GRIP1: variants seen among roughly 807,000 people sequenced by gnomAD.
GRIP1 encodes the protein glutamate receptor-interacting protein 1.
GRIP1 carries 45 observed loss-of-function variants against 129.9 expected under a neutral mutation model. The observed-to-expected ratio is 0.35, with a 90% CI of 0.27 to 0.44. The LOEUF (loss-of-function observed/expected upper bound fraction) is 0.44. GRIP1 is among the 20% of genes least tolerant of loss of function. GRIP1 has a pLI of 1.00. For missense variants in GRIP1, 1,196 were observed against 1,396.8 expected (o/e 0.86, Z 2.29); for synonymous variants, 530 against 520.8 (o/e 1.02, Z -0.24).
intron 1 of GRIP1, among the ~76,000 whole-genome samples, chr12:66,728,509 C>T (rs950018617): frequency 1.3e-5 from 2 of 152,092 alleles, no homozygotes; most frequent in Non-Finnish European, 2.9e-5. Context: ...AAGAACACGC[C>T]CTTTCTCTGG....
chr12:66,684,776 C>T (rs1267217535), intron 1 of GRIP1, among the ~76,000 whole-genome samples: 1 of 152,078 alleles, frequency 6.6e-6, no homozygotes, highest in Non-Finnish European at 1.5e-5. Context: ...ACCCAAGAGG[C>T]GGAGGTTGCA....
chr12:66,833,046 G>C (rs1183100138), intron 1 of GRIP1, among the ~76,000 whole-genome samples: 1 of 152,170 alleles, frequency 6.6e-6, no homozygotes. Context: ...ACTTAGGGCA[G>C]AATCTAATCC....
rs58314154 is a variant in GRIP1 at position 66,489,118 on chromosome 12, C to T, written c.725-23696G>A. Among the ~76,000 whole-genome samples the T allele has an allele frequency of 7.5e-3, 1,136 of 152,220 alleles. 18 individuals are homozygous for T. The highest frequency in any genetic ancestry group is 0.026 in the African/African-American group (1,094 of 41,540). On this transcript the variant is annotated intron_variant, in intron 7 of 24. Transcript: ENST00000359742. ...AGGAGGGGCTCCTTCCTAACTCATT[C>T]TATGAGACCAGCATCATTCTGGTGC... is the stretch of plus-strand genomic sequence containing the variant.
At chr12:66,524,788 C>A (rs980127798) in intron 5 of GRIP1, among the ~76,000 whole-genome samples, 2 of 151,958 alleles carry the variant, frequency 1.3e-5, no homozygotes, top group Admixed American at 6.5e-5. Flanking sequence ...ACTAGCAAGA[C>A]TAATAAAGAA....
At chr12:66,565,190 T>C (rs1398997273) in intron 2 of GRIP1, among the ~76,000 whole-genome samples, 2 of 152,228 alleles carry the variant, frequency 1.3e-5, no homozygotes, top group Non-Finnish European at 2.9e-5. Context: ...AGACATGAAG[T>C]CCTTGCCCAT....
intron 1 of GRIP1, among the ~76,000 whole-genome samples, chr12:66,852,230 A>T (rs2039925340): frequency 6.6e-6 from 1 of 152,068 alleles, no homozygotes. Flanking sequence ...TAACTGTGCC[A>T]GGAAATTTTT....
intron 1 of GRIP1, among the ~76,000 whole-genome samples, chr12:66,750,019 CAA>C (rs1471018475): frequency 2.0e-5 from 3 of 152,186 alleles, no homozygotes; most frequent in Non-Finnish European, 4.4e-5. Context: ...GCTGCCTCCC[CAA>C]AGTCAACCCC....
At chr12:66,432,049 T>C (rs1008593084) in intron 14 of GRIP1, among the ~76,000 whole-genome samples, 5 of 152,120 alleles carry the variant, frequency 3.3e-5, no homozygotes, top group African/African-American at 1.2e-4. Flanking sequence ...ATAAAGGTAA[T>C]TTTTGTTAAA....
intron 3 of GRIP1, among the ~76,000 whole-genome samples, chr12:66,539,655 T>C (rs1360142087): frequency 6.7e-6 from 1 of 149,826 alleles, no homozygotes; most frequent in Non-Finnish European, 1.5e-5. Flanking sequence ...TCAATCCCTC[T>C]TGTTTTTGCT....
In GRIP1 at chr12:66,879,806, A is replaced by C. The variant is rs185429104; in HGVS notation, c.58+189244T>G. Among the ~76,000 whole-genome samples the C allele has an allele frequency of 5.3e-5, 8 of 152,244 alleles. No individual in the cohort carries two copies. In the East Asian group the frequency reaches 1.5e-3, roughly 29 times the overall value. On this transcript the variant is annotated intron_variant, in intron 1 of 1. Transcript: ENST00000643019. ...ACTGCTGTAGGTACAACAGTATAAGAGTAGATAAGGCAGAGCTTATGGGCA... is the reference window on the plus strand; with the variant it reads ...ACTGCTGTAGGTACAACAGTATAAGCGTAGATAAGGCAGAGCTTATGGGCA...
chr12:66,697,533 C>A (rs2035204863), intron 1 of GRIP1, among the ~76,000 whole-genome samples: 1 of 152,158 alleles, frequency 6.6e-6, no homozygotes, highest in Non-Finnish European at 1.5e-5. Flanking sequence ...ACAAATGCAC[C>A]TGGCCCTCAG....
chr12:66,409,734 T>C (rs1487922308), intron 15 of GRIP1, among the ~76,000 whole-genome samples: 2 of 152,232 alleles, frequency 1.3e-5, no homozygotes, highest in Non-Finnish European at 2.9e-5. Flanking sequence ...TAGAGATGTA[T>C]GGCCTTTCAT....
Position 66,604,762 on chromosome 12 carries a change from G to C in GRIP1, c.56-7835C>G, listed in dbSNP as rs572255291. 4.0e-4 allele frequency among the ~76,000 whole-genome samples: 61 copies of C among 152,240 alleles called. 1 individual carries two copies. The highest frequency in any genetic ancestry group is 1.4e-3 in the African/African-American group (59 of 41,538). On this transcript the variant is annotated intron_variant, in intron 1 of 24. Coordinates refer to ENST00000359742, the MANE Select transcript of GRIP1 (RefSeq NM_001366722.1). Reference sequence around the variant, plus strand: ...TTCAATAAGTGACTAGCTTTAGAATGACAATTTGGTGCAAAATTTGGATTA... The same window carrying C: ...TTCAATAAGTGACTAGCTTTAGAATCACAATTTGGTGCAAAATTTGGATTA...
At chr12:66,844,665 T>C (rs945716134) in intron 1 of GRIP1, among the ~76,000 whole-genome samples, 3 of 152,192 alleles carry the variant, frequency 2.0e-5, no homozygotes, top group African/African-American at 4.8e-5. Flanking sequence ...ATGTTCACAG[T>C]AGCATTATTC....
chr12:66,648,816 G>T (rs185097785), intron 1 of GRIP1, among the ~76,000 whole-genome samples: 1 of 152,102 alleles, frequency 6.6e-6, no homozygotes, highest in Non-Finnish European at 1.5e-5. Context: ...ATTTAAAGAC[G>T]TTTTCTATAT....
intron 1 of GRIP1, among the ~76,000 whole-genome samples, chr12:66,876,004 A>C (rs1338766393): frequency 6.6e-6 from 1 of 152,068 alleles, no homozygotes; most frequent in African/African-American, 2.4e-5. Context: ...TATTAGTATA[A>C]CTTCATTTAA....
At chr12:66,542,038 C>A (rs1480583795) in intron 2 of GRIP1, 88 bp from the exon 3 acceptor site, 5 of 1,230,458 alleles carry the variant, frequency 4.1e-6, no homozygotes, top group Non-Finnish European at 4.8e-6. Context: ...TCCACTTTTT[C>A]TTTTATGAGA....
rs140031852 is a variant in GRIP1, at chr12:66,378,824, A to C, written c.2621+456T>G. On this transcript the variant is annotated intron_variant, in intron 20 of 24. Transcript: ENST00000359742. ...TAGGCACATGTGGTGGCACAGGCCT[A>C]TAATCCCAGCTACTCAGGAGGCTGA... is the stretch of plus-strand genomic sequence containing the variant. 4.4e-3 allele frequency among the ~76,000 whole-genome samples: 670 copies of C among 152,068 alleles called. 4 individuals carry two copies. The highest frequency in any genetic ancestry group is 0.014 in the African/African-American group (581 of 41,504).
At chr12:66,451,953 A>G (rs1263305525) in intron 11 of GRIP1, among the ~76,000 whole-genome samples, 1 of 152,212 alleles carries the variant, frequency 6.6e-6, no homozygotes, top group Non-Finnish European at 1.5e-5. Context: ...AAGGGACCAG[A>G]AAAGTTGTTA....
Sources: allele counts gnomAD v4.1 joint callset (sites outside exome capture counted in the v4.1 genomes callset), GRCh38; gene constraint gnomAD v4.1.1; transcripts MANE v1.5; gene names NCBI Gene and HGNC (gene_info 2026-07-23, HGNC 2026-07-21).